The following ERC2 variants were observed in gnomAD, a reference collection of about 807,000 sequenced individuals.
The protein encoded by ERC2 is ERC protein 2.
ERC2 carries 42 observed loss-of-function variants against 114.8 expected under a neutral mutation model. That is an observed-to-expected ratio of 0.37 (90% confidence interval 0.29 to 0.47). ERC2 has a LOEUF of 0.47. ERC2 is among the 20% of genes least tolerant of loss of function. The pLI is 0.99. For missense variants in ERC2, 939 were observed against 1,150.7 expected, an observed-to-expected ratio of 0.82 and a Z score of 2.66; for synonymous variants, 454 against 425.5, an observed-to-expected ratio of 1.07 and a Z score of -0.82.
At chr3:55,895,789 T>C (rs948488575) in intron 13 of ERC2, among the ~76,000 whole-genome samples, 1 of 152,190 alleles carries the variant, frequency 6.6e-6, no homozygotes, top group African/African-American at 2.4e-5. Context: ...GGATGAAGTG[T>C]AAGTCCAAAC....
chr3:56,323,341 G>A (rs1287982684), intron 2 of ERC2, among the ~76,000 whole-genome samples: 1 of 152,064 alleles, frequency 6.6e-6, no homozygotes, highest in African/African-American at 2.4e-5. Flanking sequence ...TGCTCTCTTG[G>A]AACACAGTAT....
At chr3:55,942,626 T>G (rs1174685751) in intron 13 of ERC2, among the ~76,000 whole-genome samples, 1 of 152,062 alleles carries the variant, frequency 6.6e-6, no homozygotes, top group African/African-American at 2.4e-5. Context: ...TAAGAAAAAC[T>G]TATGATTGCT....
chr3:56,090,073 A>T (rs1182999626), intron 6 of ERC2, among the ~76,000 whole-genome samples: 1 of 152,202 alleles, frequency 6.6e-6, no homozygotes, highest in East Asian at 1.9e-4. Flanking sequence ...CTGGTAATTC[A>T]GCTAGCATGA....
chr3:56,143,083 C>A (rs963427620), intron 5 of ERC2, among the ~76,000 whole-genome samples: 3 of 152,150 alleles, frequency 2.0e-5, no homozygotes, highest in African/African-American at 7.2e-5. Context: ...AACAGAAAAT[C>A]TTCCCTGGAG....
intron 1 of ERC2, among the ~76,000 whole-genome samples, chr3:56,449,088 A>AAAG (rs1488882504): frequency 6.6e-6 from 1 of 151,410 alleles, no homozygotes; most frequent in African/African-American, 2.4e-5. Context: ...AAAAAAAAAA[A>AAAG]AAAAGTGGTA....
At chr3:55,622,824 G>C (rs567321379) in intron 17 of ERC2, among the ~76,000 whole-genome samples, 3 of 152,060 alleles carry the variant, frequency 2.0e-5, no homozygotes, top group South Asian at 4.2e-4. Context: ...CCTCATATTA[G>C]AGGAGGAGTG....
At chr3:55,678,142 A>T (rs2061899313) in intron 17 of ERC2, among the ~76,000 whole-genome samples, 1 of 152,206 alleles carries the variant, frequency 6.6e-6, no homozygotes, top group African/African-American at 2.4e-5. Context: ...GAGATAAAGC[A>T]AAAACATCTT....
chr3:56,390,933 G>A (rs2060106065), intron 2 of ERC2, among the ~76,000 whole-genome samples: 1 of 152,184 alleles, frequency 6.6e-6, no homozygotes, highest in Non-Finnish European at 1.5e-5. Flanking sequence ...CAAATGTGTT[G>A]TGAAGAAAAT....
intron 3 of ERC2, among the ~76,000 whole-genome samples, chr3:56,207,249 T>A (rs2048793868): frequency 6.6e-6 from 1 of 152,128 alleles, no homozygotes. Flanking sequence ...TAATAACCTT[T>A]TCCCTAATTA....
intron 14 of ERC2, among the ~76,000 whole-genome samples, chr3:55,752,779 A>C (rs2148971721): frequency 6.6e-6 from 1 of 152,308 alleles, no homozygotes; most frequent in East Asian, 1.9e-4. Context: ...GGTATTTATA[A>C]TTTTATGTCT....
intron 7 of ERC2, among the ~76,000 whole-genome samples, chr3:56,032,858 GGAAA>G (rs149220809): frequency 0.3 from 20,990 of 69,702 alleles, 4,517 homozygotes; most frequent in East Asian, 0.38. Context: ...AAGAAAGAAA[GGAAA>G]GAAAGAAAGA....
At chr3:55,935,431 G>C (rs554201475) in intron 13 of ERC2, among the ~76,000 whole-genome samples, 1 of 152,246 alleles carries the variant, frequency 6.6e-6, no homozygotes, top group Admixed American at 6.5e-5. Context: ...CATGGAGCCC[G>C]GCACACAGCA....
chr3:55,809,534 T>C (rs576695963), intron 14 of ERC2, among the ~76,000 whole-genome samples: 5 of 152,270 alleles, frequency 3.3e-5, no homozygotes, highest in Non-Finnish European at 4.4e-5. Context: ...ATCCAGAGCA[T>C]ATAAGGAACT....
chr3:55,980,919 T>C (rs1380517971), intron 12 of ERC2, among the ~76,000 whole-genome samples: 1 of 152,216 alleles, frequency 6.6e-6, no homozygotes, highest in African/African-American at 2.4e-5. Flanking sequence ...ACAGTGCCAA[T>C]TGTGTTCCTT....
intron 17 of ERC2, among the ~76,000 whole-genome samples, chr3:55,535,862 C>T (rs1010552881): frequency 2.6e-5 from 4 of 152,018 alleles, no homozygotes; most frequent in Middle Eastern, 3.2e-3. Context: ...GACATGGTGG[C>T]GGGTGCCTGT....
intron 13 of ERC2, among the ~76,000 whole-genome samples, chr3:55,915,337 A>G (rs2065031291): frequency 6.6e-6 from 1 of 152,284 alleles, no homozygotes; most frequent in East Asian, 1.9e-4. Flanking sequence ...AGAAACGGTC[A>G]TTTTAGCTAA....
At chr3:56,406,671 T>G (rs1033131790) in intron 2 of ERC2, among the ~76,000 whole-genome samples, 1 of 152,174 alleles carries the variant, frequency 6.6e-6, no homozygotes, top group African/African-American at 2.4e-5. Context: ...CACCCTACAG[T>G]GCCTAGGAGA....
chr3:55,542,711 C>G (rs981708631), intron 17 of ERC2, among the ~76,000 whole-genome samples: 2 of 152,208 alleles, frequency 1.3e-5, no homozygotes, highest in Non-Finnish European at 2.9e-5. Context: ...TTCTCATTGA[C>G]AGCAGCTCTG....
chr3:56,440,331 C>T (rs947921613), intron 1 of ERC2, among the ~76,000 whole-genome samples: 2 of 152,178 alleles, frequency 1.3e-5, no homozygotes, highest in Middle Eastern at 6.8e-3. Flanking sequence ...ATCACGAGGT[C>T]AGGAGATCGA....
Sources: gnomAD v4.1 joint callset for allele counts (sites outside exome capture counted in the v4.1 genomes callset) on GRCh38, gnomAD v4.1.1 for gene constraint, MANE v1.5 for transcripts, NCBI Gene and HGNC (gene_info 2026-07-23, HGNC 2026-07-21) for gene names.